TDRP: variants seen among roughly 807,000 people sequenced by gnomAD.
TDRP encodes the protein testis development related protein.
In TDRP, 12 loss-of-function variants were observed where a neutral mutation model predicts 10.5. The observed-to-expected ratio is 1.15, with a 90% CI of 0.73 to 1.86. The LOEUF (loss-of-function observed/expected upper bound fraction) is 1.86. TDRP is among the 40% of genes most tolerant of loss of function. The pLI is 0.00. For missense variants in TDRP, 353 were observed against 229.2 expected (o/e 1.54, Z -3.49); for synonymous variants, 139 against 95.4 (o/e 1.46, Z -2.67).
Position 499,276 on chromosome 8 carries a change from G to C in TDRP, c.109-4679C>G, listed in dbSNP as rs547103089. On this transcript the variant is annotated intron_variant, in intron 1 of 2. Transcript: ENST00000324079. Reference sequence around the variant, plus strand: ...GGAGGCAGGGTCTCTCTGTTACCCAGGCTGGTGGCCTGGCCTACTTCCTTA... The same window carrying C: ...GGAGGCAGGGTCTCTCTGTTACCCACGCTGGTGGCCTGGCCTACTTCCTTA... Among the ~76,000 whole-genome samples the C allele has an allele frequency of 1.1e-4, 16 of 152,230 alleles. No homozygotes were observed. In the South Asian group the frequency reaches 3.1e-3, roughly 30 times the overall value.
intron 2 of TDRP, among the ~76,000 whole-genome samples, chr8:493,255 A>G (rs938898096): frequency 1.3e-5 from 2 of 152,256 alleles, no homozygotes; most frequent in East Asian, 1.9e-4. Flanking sequence ...CAGCTAGGGA[A>G]GAAAGATCCT....
chr8:506,352 C>T (rs1022368915), intron 1 of TDRP, among the ~76,000 whole-genome samples: 2 of 152,196 alleles, frequency 1.3e-5, no homozygotes, highest in Admixed American at 1.3e-4. Context: ...AGATCAGCCA[C>T]AGCCAACAGC....
At chr8:502,636 G>A (rs1210506849) in intron 1 of TDRP, among the ~76,000 whole-genome samples, 2 of 151,960 alleles carry the variant, frequency 1.3e-5, no homozygotes, top group Non-Finnish European at 2.9e-5. Flanking sequence ...GCCACACACT[G>A]GAACCAATGC....
chr8:493,993 GTT>G (rs68057437), intron 2 of TDRP, among the ~76,000 whole-genome samples: 69 of 106,544 alleles, frequency 6.5e-4, no homozygotes, highest in African/African-American at 1.5e-3. Flanking sequence ...CATTTCTGTT[GTT>G]TTTTTTTTTT....
intron 1 of TDRP, among the ~76,000 whole-genome samples, chr8:527,962 T>C (rs982186582): frequency 2.0e-5 from 3 of 151,776 alleles, no homozygotes; most frequent in Admixed American, 6.6e-5. Context: ...AATCAACAAA[T>C]GGAAAGGCAA....
chr8:493,659 T>C (rs1801043792), intron 2 of TDRP, among the ~76,000 whole-genome samples: 1 of 152,234 alleles, frequency 6.6e-6, no homozygotes, highest in Non-Finnish European at 1.5e-5. Context: ...TTTTTAAAAA[T>C]TCTGAAACAC....
Position 492,289 on chromosome 8 carries a change from T to C in TDRP, c.*110A>G, listed in dbSNP as rs1800999069. On this transcript the variant is annotated 3_prime_UTR_variant, in exon 3 of 3. Transcript: ENST00000324079. The stretch of plus-strand genomic sequence containing the variant: ...GAAACAGAGGTCCAAATATCAAATA[T>C]AGGCAAAAAGTAGACTCTCTATTCT... 5 of 1,346,932 alleles carry C rather than the reference T, an allele frequency of 3.7e-6. No individual in the cohort carries two copies. The highest frequency in any genetic ancestry group is 3.4e-5 in the Admixed American group (1 of 28,994). The allele number at this position is 1,346,932 out of a possible 1,614,324, so 83.4% of individuals were successfully genotyped here. A position where few individuals can be genotyped will look rare whatever the true frequency, so the allele number is the denominator to read the frequency against.
chr8:493,392 T>C (rs1035457617), intron 2 of TDRP, among the ~76,000 whole-genome samples: 3 of 152,204 alleles, frequency 2.0e-5, no homozygotes, highest in Admixed American at 6.5e-5. Flanking sequence ...GGGAACCGGT[T>C]TACCCATCCT....
chr8:544,897 C>T (rs1389603078), upstream of TDRP: 4 of 505,090 alleles, frequency 7.9e-6, no homozygotes, highest in East Asian at 1.2e-4. Context: ...GGGCGGGGCA[C>T]CCCCAGAACT....
chr8:496,610 C>T (rs907264719), intron 1 of TDRP, among the ~76,000 whole-genome samples: 2 of 152,192 alleles, frequency 1.3e-5, no homozygotes, highest in African/African-American at 4.8e-5. Flanking sequence ...CAAGCCTGTG[C>T]CTCACCCCTC....
At chr8:541,625 G>C (rs1176250638) in intron 1 of TDRP, among the ~76,000 whole-genome samples, 19 of 152,152 alleles carry the variant, frequency 1.2e-4, no homozygotes, top group Admixed American at 1.2e-3. Context: ...CACCAAAAAA[G>C]GGACACAGAT....
chr8:519,935 C>T (rs1454256160), intron 1 of TDRP, among the ~76,000 whole-genome samples: 1 of 152,122 alleles, frequency 6.6e-6, no homozygotes, highest in Non-Finnish European at 1.5e-5. Flanking sequence ...AATATATGAC[C>T]AGATAAGTGG....
At chr8:493,486 G>C (rs953557148) in intron 2 of TDRP, among the ~76,000 whole-genome samples, 1 of 152,266 alleles carries the variant, frequency 6.6e-6, no homozygotes, top group Admixed American at 6.5e-5. Context: ...CAGAAGTGCA[G>C]AGAAGCAGAC....
At position 490,085 on chromosome 8, in the gene TDRP, G is replaced by A. The variant is rs1254802510; in HGVS notation, c.*2314C>T. On this transcript the variant is annotated 3_prime_UTR_variant, in exon 3 of 3. Transcript: ENST00000324079. ...AGGACAACTCTCTTCACACAAGGAA[G>A]CTGTGTGTTTACACAATTCAAACAC... 2.6e-5 allele frequency: 4 copies of A among 152,180 alleles called. No individual in the cohort carries two copies. Among genetic ancestry groups the A allele is most frequent in the African/African-American group, 4.8e-5 (2 of 41,454 alleles). 9.4% of individuals were successfully genotyped at this position (152,180 alleles called of 1,614,324 possible).
intron 1 of TDRP, among the ~76,000 whole-genome samples, chr8:534,008 A>G (rs1388089434): frequency 6.6e-6 from 1 of 152,260 alleles, no homozygotes; most frequent in Non-Finnish European, 1.5e-5. Context: ...AGTGCTTTCA[A>G]AAGGCACTGA....
At chr8:502,416 C>A (rs1801331337) in intron 1 of TDRP, among the ~76,000 whole-genome samples, 1 of 152,360 alleles carries the variant, frequency 6.6e-6, no homozygotes, top group Non-Finnish European at 1.5e-5. Context: ...GCCAACGACC[C>A]TTCAGGGTGT....
At chr8:520,805 G>T (rs1349323508) in intron 1 of TDRP, among the ~76,000 whole-genome samples, 1 of 152,034 alleles carries the variant, frequency 6.6e-6, no homozygotes, top group Non-Finnish European at 1.5e-5. Flanking sequence ...GTTGTTGTTT[G>T]GTCATAGGAG....
chr8:495,542 G>A (rs137883044), intron 1 of TDRP, among the ~76,000 whole-genome samples: 6 of 152,298 alleles, frequency 3.9e-5, no homozygotes, highest in African/African-American at 1.2e-4. Flanking sequence ...GAAGAATGGA[G>A]AAAACCATCT....
chr8:518,780 G>T (rs901670811), intron 1 of TDRP, among the ~76,000 whole-genome samples: 1 of 151,384 alleles, frequency 6.6e-6, no homozygotes, highest in African/African-American at 2.4e-5. Context: ...TAGCTTAAAA[G>T]GTCATTTACA....
Sources: allele counts gnomAD v4.1 joint callset (sites outside exome capture counted in the v4.1 genomes callset), GRCh38; gene constraint gnomAD v4.1.1; transcripts MANE v1.5; gene names NCBI Gene and HGNC (gene_info 2026-07-23, HGNC 2026-07-21).